The following TENM4 variants were observed in gnomAD, a reference collection of about 807,000 sequenced individuals.
The protein encoded by TENM4 is teneurin transmembrane protein 4.
TENM4 carries 82 observed loss-of-function variants against 243.3 expected under a neutral mutation model. The observed-to-expected ratio is 0.34, with a 90% CI of 0.28 to 0.40. The LOEUF (loss-of-function observed/expected upper bound fraction) is 0.40. TENM4 is among the 10% of genes least tolerant of loss of function. TENM4 has a pLI of 1.00. For missense variants in TENM4, 3,138 were observed against 3,673.3 expected (o/e 0.85, Z 3.77); for synonymous variants, 1,412 against 1,456.3 (o/e 0.97, Z 0.69).
At chr11:79,220,190 C>G (rs531067775) in intron 2 of TENM4, among the ~76,000 whole-genome samples, 1 of 152,214 alleles carries the variant, frequency 6.6e-6, no homozygotes. Context: ...ACTGTATCAT[C>G]GCACCTGCAG....
At chr11:78,996,356 C>G (rs2136683189) in intron 6 of TENM4, among the ~76,000 whole-genome samples, 1 of 152,268 alleles carries the variant, frequency 6.6e-6, no homozygotes, top group East Asian at 1.9e-4. Context: ...ACAGCGGTGC[C>G]AGCCTTCCAA....
At chr11:79,182,707 C>G (rs1863307531) in intron 3 of TENM4, among the ~76,000 whole-genome samples, 1 of 152,042 alleles carries the variant, frequency 6.6e-6, no homozygotes, top group African/African-American at 2.4e-5. Context: ...ATCCAAAAAA[C>G]TCTTAAAGTT....
At chr11:78,901,690 G>A (rs1017015178) in intron 7 of TENM4, among the ~76,000 whole-genome samples, 3 of 152,186 alleles carry the variant, frequency 2.0e-5, no homozygotes, top group African/African-American at 7.2e-5. Context: ...CTTTCAATGA[G>A]CACATTGGAA....
chr11:78,878,947 C>T (rs1859339696), intron 9 of TENM4, among the ~76,000 whole-genome samples: 6 of 152,218 alleles, frequency 3.9e-5, no homozygotes, highest in Admixed American at 3.3e-4. Context: ...TTACACTTGG[C>T]AAGAATGAGA....
At chr11:78,766,911 C>G (rs1856550898) in intron 18 of TENM4, among the ~76,000 whole-genome samples, 1 of 152,070 alleles carries the variant, frequency 6.6e-6, no homozygotes, top group Admixed American at 6.5e-5. Flanking sequence ...GCCATGTTGG[C>G]CAGACTGGTC....
At chr11:79,011,189 T>C (rs1858632203) in intron 6 of TENM4, among the ~76,000 whole-genome samples, 1 of 152,226 alleles carries the variant, frequency 6.6e-6, no homozygotes, top group Non-Finnish European at 1.5e-5. Flanking sequence ...GGCCCACGCA[T>C]GGGCTCTGCC....
intron 3 of TENM4, among the ~76,000 whole-genome samples, chr11:79,155,355 C>CTTTT (rs553666524): frequency 7.1e-6 from 1 of 140,596 alleles, no homozygotes; most frequent in African/African-American, 2.6e-5. Flanking sequence ...CTCTCTCTCT[C>CTTTT]TTTTTTTTTT....
At chr11:79,209,464 A>T (rs1292131445) in intron 3 of TENM4, among the ~76,000 whole-genome samples, 1 of 152,196 alleles carries the variant, frequency 6.6e-6, no homozygotes, top group Non-Finnish European at 1.5e-5. Context: ...CACCTTTTAA[A>T]TTTCATCTTA....
intron 14 of TENM4, among the ~76,000 whole-genome samples, chr11:78,809,394 C>T (rs1008528333): frequency 6.6e-6 from 1 of 152,232 alleles, no homozygotes; most frequent in Admixed American, 6.5e-5. Flanking sequence ...GCTGAACTGG[C>T]TGAGGTTCCT....
intron 1 of TENM4, among the ~76,000 whole-genome samples, chr11:79,358,182 A>T (rs1278822718): frequency 1.3e-5 from 2 of 152,236 alleles, no homozygotes; most frequent in East Asian, 3.8e-4. Flanking sequence ...CAGGTGCCTT[A>T]GAATTATTAG....
intron 4 of TENM4, among the ~76,000 whole-genome samples, chr11:79,095,571 C>G (rs1861058529): frequency 6.6e-6 from 1 of 152,098 alleles, no homozygotes; most frequent in Non-Finnish European, 1.5e-5. Flanking sequence ...GGCCGGCAAC[C>G]TGCCAGGAGA....
chr11:78,775,310 G>A (rs374558357), intron 17 of TENM4, among the ~76,000 whole-genome samples: 30 of 152,296 alleles, frequency 2.0e-4, no homozygotes, highest in African/African-American at 6.7e-4. Context: ...ATGCTGCTCT[G>A]AGGCTGCCTG....
At chr11:78,773,744 C>T (rs886271992) in intron 17 of TENM4, among the ~76,000 whole-genome samples, 1 of 152,064 alleles carries the variant, frequency 6.6e-6, no homozygotes, top group Non-Finnish European at 1.5e-5. Context: ...GTGATGGGCC[C>T]GATTTGGTCT....
intron 14 of TENM4, among the ~76,000 whole-genome samples, chr11:78,809,268 C>A (rs535354764): frequency 6.6e-6 from 1 of 152,208 alleles, no homozygotes; most frequent in African/African-American, 2.4e-5. Flanking sequence ...GAGAGGCTAC[C>A]TCCAGGCAAT....
chr11:79,257,957 A>G (rs1486113321), intron 2 of TENM4, among the ~76,000 whole-genome samples: 2 of 152,226 alleles, frequency 1.3e-5, no homozygotes, highest in African/African-American at 4.8e-5. Context: ...CTGCAGAATG[A>G]GAGTCTGCTC....
intron 6 of TENM4, among the ~76,000 whole-genome samples, chr11:78,970,151 T>G (rs1205424041): frequency 6.6e-6 from 1 of 152,132 alleles, no homozygotes; most frequent in Admixed American, 6.6e-5. Flanking sequence ...GGTCAGGAAT[T>G]CTAATGCAGT....
At chr11:79,163,591 C>T (rs193028296) in intron 3 of TENM4, among the ~76,000 whole-genome samples, 19 of 151,998 alleles carry the variant, frequency 1.3e-4, no homozygotes, top group Non-Finnish European at 2.1e-4. Flanking sequence ...CATTCTTATG[C>T]CTTTGCGCCC....
At chr11:79,067,681 G>C (rs1860298398) in intron 5 of TENM4, among the ~76,000 whole-genome samples, 1 of 151,150 alleles carries the variant, frequency 6.6e-6, no homozygotes, top group Non-Finnish European at 1.5e-5. Flanking sequence ...AGGGTTCCAT[G>C]ATCCTGTTGA....
chr11:78,691,244 C>G (rs1858814508), intron 28 of TENM4, among the ~76,000 whole-genome samples: 1 of 152,226 alleles, frequency 6.6e-6, no homozygotes, highest in Non-Finnish European at 1.5e-5. Flanking sequence ...TTGACACCAC[C>G]TGGGTTCTGC....
Sources: gnomAD v4.1 joint callset for allele counts (sites outside exome capture counted in the v4.1 genomes callset) on GRCh38, gnomAD v4.1.1 for gene constraint, MANE v1.5 for transcripts, NCBI Gene and HGNC (gene_info 2026-07-23, HGNC 2026-07-21) for gene names.